AKAP13: variants seen among roughly 807,000 people sequenced by gnomAD.
AKAP13 encodes the protein A-kinase anchor protein 13.
AKAP13 carries 80 observed loss-of-function variants against 264.5 expected under a neutral mutation model. The observed-to-expected ratio is 0.30, with a 90% CI of 0.25 to 0.36. The LOEUF (loss-of-function observed/expected upper bound fraction) is 0.36, where lower values mean the gene tolerates loss of function less well. AKAP13 is among the 10% of genes least tolerant of loss of function. AKAP13 has a pLI of 1.00. For synonymous variants in AKAP13, 1,380 were observed against 1,250.2 expected (o/e 1.10, Z -2.19); for missense variants, 3,712 against 3,435.2 (o/e 1.08, Z -2.01).
intron 1 of AKAP13, among the ~76,000 whole-genome samples, chr15:85,477,495 G>A (rs887157102): frequency 1.3e-5 from 2 of 151,998 alleles, no homozygotes; most frequent in Admixed American, 6.6e-5. Flanking sequence ...GGCCCTGTTG[G>A]CTGGGGCCCC....
chr15:85,514,266 A>T lies in AKAP13; in HGVS notation c.34-7162A>T, dbSNP rs182442271. ...AACTCCCTTCTCTGCTGTATAATTT[A>T]TCTACTGTTATTAATATGGACTCAT... On this transcript the variant is annotated intron_variant, in intron 2 of 36. Transcript: ENST00000394518. Among the ~76,000 whole-genome samples the T allele has an allele frequency of 3.6e-5, 5 of 137,978 alleles. 1 individual carries two copies. The Admixed American group carries it at 3.7e-4, about 10-fold the overall frequency. The allele number at this position is 137,978 out of a possible 152,430, so 90.5% of individuals were successfully genotyped here. A position where few individuals can be genotyped will look rare whatever the true frequency, so the allele number is the denominator to read the frequency against.
chr15:85,480,537 C>T (rs1763527325), intron 1 of AKAP13, among the ~76,000 whole-genome samples: 1 of 141,506 alleles, frequency 7.1e-6, no homozygotes, highest in South Asian at 2.1e-4. Flanking sequence ...TTGTAGAGGA[C>T]TTGGGATTGA....
intron 1 of AKAP13, among the ~76,000 whole-genome samples, chr15:85,470,094 C>G (rs1303530681): frequency 6.6e-6 from 1 of 152,174 alleles, no homozygotes; most frequent in Non-Finnish European, 1.5e-5. Flanking sequence ...TCGAGACCAG[C>G]CTGGCCAACA....
At chr15:85,723,463 T>C (rs1400189826) in intron 26 of AKAP13, 143 bp downstream of exon 26, 1 of 1,163,724 alleles carries the variant, frequency 8.6e-7, no homozygotes, top group African/African-American at 1.6e-5. Context: ...AGCATTTAGT[T>C]CTTCGTAATC....
rs145657332 is a variant in AKAP13, at chr15:85,581,608, C to T, written c.3540C>T (p.Asp1180=). 37 of 1,614,030 alleles carry T rather than the reference C, an allele frequency of 2.3e-5. No homozygotes were observed. The Middle Eastern group carries it at 4.9e-4, about 22-fold the overall frequency. ...TMGDAEEAQI[D]DEAHPVLLQP... ...GTGACGCTGAGGAAGCCCAAATAGA[C>T]GATGAAGCACATCCTGTCCTACTGC... is the stretch of plus-strand genomic sequence containing the variant. Residue 1180 remains aspartate (D), a synonymous_variant, in exon 7 of 37, where the codon GAC becomes GAT. Coordinates refer to ENST00000394518, the MANE Select transcript of AKAP13 (RefSeq NM_007200.5).
intron 1 of AKAP13, among the ~76,000 whole-genome samples, chr15:85,458,649 C>T (rs1055442303): frequency 3.9e-5 from 6 of 152,010 alleles, no homozygotes; most frequent in Non-Finnish European, 8.8e-5. Flanking sequence ...ATTTCTACTG[C>T]GTTGAAACTT....
chr15:85,422,156 C>A (rs1204116698), intron 1 of AKAP13, among the ~76,000 whole-genome samples: 2 of 152,038 alleles, frequency 1.3e-5, no homozygotes, highest in Non-Finnish European at 2.9e-5. Flanking sequence ...TGGGTATGTA[C>A]GTATTTAGGA....
At chr15:85,589,064 G>A (rs1424132140) in intron 8 of AKAP13, among the ~76,000 whole-genome samples, 1 of 152,172 alleles carries the variant, frequency 6.6e-6, no homozygotes, top group African/African-American at 2.4e-5. Context: ...TTATAATGAT[G>A]TGAAATCTGA....
rs372990253 is a variant in AKAP13 at position 85,634,452 on chromosome 15, C to T, written c.4162-4922C>T. Among the ~76,000 whole-genome samples the T allele has an allele frequency of 5.3e-5, 8 of 152,138 alleles. No homozygotes were observed. In the South Asian group the frequency reaches 6.2e-4, roughly 12 times the overall value. ...TTTCTGCTCATATTATTTAGAATTA[C>T]ATCTAAGTATGTCAGTTTTAATGAT... On this transcript the variant is annotated intron_variant, in intron 8 of 36. Transcript: ENST00000394518.
intron 1 of AKAP13, among the ~76,000 whole-genome samples, chr15:85,385,876 A>G (rs963360305): frequency 2.6e-5 from 4 of 152,126 alleles, no homozygotes; most frequent in African/African-American, 9.7e-5. Flanking sequence ...CCTAGGCTGG[A>G]GTACAGTGGT....
At chr15:85,647,851 C>G (rs531730924) in intron 10 of AKAP13, among the ~76,000 whole-genome samples, 7 of 152,078 alleles carry the variant, frequency 4.6e-5, no homozygotes, top group African/African-American at 1.7e-4. Flanking sequence ...TGGCGTGAAC[C>G]CGGGAGGCGG....
intron 4 of AKAP13, chr15:85,535,883 T>G (rs1371231604): frequency 1.3e-5 from 2 of 148,714 alleles, no homozygotes; most frequent in African/African-American, 2.5e-5. Flanking sequence ...CACTGCAACC[T>G]CCATCTCCTG....
chr15:85,743,022 C>T (rs1597250161), intron 35 of AKAP13, among the ~76,000 whole-genome samples: 1 of 152,152 alleles, frequency 6.6e-6, no homozygotes, highest in African/African-American at 2.4e-5. Context: ...TCCTCTTTAT[C>T]TCTGGTTTAA....
intron 8 of AKAP13, among the ~76,000 whole-genome samples, chr15:85,629,688 A>G (rs940193663): frequency 1.4e-5 from 2 of 146,330 alleles, no homozygotes; most frequent in Non-Finnish European, 3.0e-5. Flanking sequence ...TCTCAGGGGT[A>G]TGTAAAAAGG....
intron 2 of AKAP13, among the ~76,000 whole-genome samples, chr15:85,491,776 A>C (rs2075737206): frequency 1.3e-5 from 2 of 152,000 alleles, no homozygotes; most frequent in Non-Finnish European, 2.9e-5. Context: ...TGTGTAATTC[A>C]TTTGCATCAC....
chr15:85,442,528 A>ATTG (rs561649276), intron 1 of AKAP13, among the ~76,000 whole-genome samples: 1 of 120,914 alleles, frequency 8.3e-6, no homozygotes, highest in Non-Finnish European at 1.7e-5. Flanking sequence ...ATTATATTAT[A>ATTG]TATAATATAT....
At chr15:85,615,703 T>C (rs1170905793) in intron 8 of AKAP13, among the ~76,000 whole-genome samples, 1 of 152,216 alleles carries the variant, frequency 6.6e-6, no homozygotes, top group African/African-American at 2.4e-5. Context: ...AGTGTCATTA[T>C]GCAGGAATAA....
intron 5 of AKAP13, among the ~76,000 whole-genome samples, chr15:85,551,757 GA>G (rs2151234502): frequency 6.6e-6 from 1 of 152,310 alleles, no homozygotes; most frequent in African/African-American, 2.4e-5. Flanking sequence ...ATTTGTTTCT[GA>G]CTTCACTTCA....
chr15:85,433,582 C>T (rs576624216), intron 1 of AKAP13, among the ~76,000 whole-genome samples: 1 of 152,240 alleles, frequency 6.6e-6, no homozygotes, highest in South Asian at 2.1e-4. Context: ...ATTCTGGGGA[C>T]TTCCTGATCA....
Sources: gnomAD v4.1 joint callset for allele counts (sites outside exome capture counted in the v4.1 genomes callset) on GRCh38, gnomAD v4.1.1 for gene constraint, MANE v1.5 for transcripts, NCBI Gene and HGNC (gene_info 2026-07-23, HGNC 2026-07-21) for gene names.